COL28A1: variants seen among roughly 807,000 people sequenced by gnomAD.
COL28A1 encodes collagen alpha-1(XXVIII) chain.
Under a neutral mutation model 150.2 loss-of-function variants are expected in COL28A1, and 161 were observed. The ratio of observed to expected loss-of-function variants is 1.07; its 90% confidence interval spans 0.94 to 1.22. The LOEUF (loss-of-function observed/expected upper bound fraction) is 1.22. Ranked by LOEUF, COL28A1 falls within the 50% of genes most tolerant of loss-of-function variation. The pLI is 0.00. For missense variants in COL28A1, 1,617 were observed against 1,388.3 expected, an observed-to-expected ratio of 1.16 and a Z score of -2.62; for synonymous variants, 552 against 469.7, an observed-to-expected ratio of 1.18 and a Z score of -2.26.
At chr7:7,380,253 T>C (rs1781797529) in intron 30 of COL28A1, among the ~76,000 whole-genome samples, 1 of 152,188 alleles carries the variant, frequency 6.6e-6, no homozygotes, top group Non-Finnish European at 1.5e-5. Flanking sequence ...ATTTTGTGAT[T>C]GCTGCTCTTC....
the COL28A1 span, among the ~76,000 whole-genome samples, chr7:7,541,059 T>C: frequency 1.3e-5 from 2 of 152,208 alleles, no homozygotes; most frequent in Non-Finnish European, 2.9e-5. Flanking sequence ...AAATAACTCT[T>C]CTAAATTTCT....
intron 27 of COL28A1, among the ~76,000 whole-genome samples, chr7:7,400,975 G>GGTGTGTGTGTGTGTGTGTGTGTGT (rs60064708): frequency 3.4e-5 from 4 of 119,074 alleles, no homozygotes; most frequent in African/African-American, 1.0e-4. Flanking sequence ...TGGGTATTTG[G>GGTGTGTGTGTGTGTGTGTGTGTGT]GTGTGTGTGT....
chr7:7,506,116 C>T (rs1411738422), intron 10 of COL28A1, 49 bp from the exon 11 acceptor site: 1 of 920,824 alleles, frequency 1.1e-6, no homozygotes, highest in Non-Finnish European at 1.8e-6. Flanking sequence ...AAAAGGCCAG[C>T]AGGAATGAAT....
intron 7 of COL28A1, among the ~76,000 whole-genome samples, chr7:7,517,082 G>T (rs1392136811): frequency 6.6e-6 from 1 of 152,094 alleles, no homozygotes; most frequent in East Asian, 1.9e-4. Context: ...CCTAAGAAAT[G>T]TTTCCTGAAC....
At position 7,374,038 on chromosome 7, in the gene COL28A1, A is replaced by AAAAAATATATATAT; in HGVS notation, c.2360-493_2360-492insATATATATATTTTT. 8.3e-4 allele frequency among the ~76,000 whole-genome samples: 94 copies of AAAAAATATATATAT among 113,600 alleles called. 3 individuals are homozygous for AAAAAATATATATAT. Among genetic ancestry groups the AAAAAATATATATAT allele is most frequent in the African/African-American group, 3.4e-3 (90 of 26,388 alleles). The allele number at this position is 113,600 out of a possible 152,430, so 74.5% of individuals were successfully genotyped here. A position where few individuals can be genotyped will look rare whatever the true frequency, so the allele number is the denominator to read the frequency against. ...TACTTGACTCTTAAAAAAAAAAAAA[A>AAAAAATATATATAT]ATATATATATATATATATATATACT... On this transcript the variant is annotated intron_variant, in intron 31 of 34. Coordinates refer to ENST00000399429, the MANE Select transcript of COL28A1 (RefSeq NM_001037763.3).
chr7:7,351,456 C>G (rs993712068), downstream of COL28A1, among the ~76,000 whole-genome samples: 4 of 152,078 alleles, frequency 2.6e-5, no homozygotes, highest in African/African-American at 9.7e-5. Context: ...TCCTGAAACC[C>G]CAAGAATGCC....
At chr7:7,433,536 A>C (rs1785129579) in intron 23 of COL28A1, among the ~76,000 whole-genome samples, 1 of 151,422 alleles carries the variant, frequency 6.6e-6, no homozygotes, top group African/African-American at 2.4e-5. Context: ...CAGGAGGCTG[A>C]GGCAGGAGAA....
At chr7:7,411,834 G>A (rs138409717) in intron 27 of COL28A1, among the ~76,000 whole-genome samples, 4 of 152,194 alleles carry the variant, frequency 2.6e-5, no homozygotes, top group African/African-American at 7.2e-5. Flanking sequence ...AATAAATGAC[G>A]GGCTAAACCC....
chr7:7,422,847 G>A (rs1244774862), intron 25 of COL28A1, among the ~76,000 whole-genome samples: 2 of 152,254 alleles, frequency 1.3e-5, no homozygotes, highest in African/African-American at 2.4e-5. Context: ...GGAGAAACAC[G>A]TTACACAACA....
rs1414489894 is a variant in COL28A1, at chr7:7,443,669, C to T, written c.1582-16G>A. 3.7e-6 allele frequency: 6 copies of T among 1,613,770 alleles called. No individual in the cohort carries two copies. The highest frequency in any genetic ancestry group is 5.1e-6 in the Non-Finnish European group (6 of 1,179,916). On this transcript the variant is annotated splice_polypyrimidine_tract_variant and intron_variant, in intron 19 of 34. Transcript: ENST00000399429. ...CCGCTTCTCCCTAGAGAAAATGACA[C>T]TGATGTGTTAGCTGACCCTCCAGTA... is the stretch of plus-strand genomic sequence containing the variant.
At chr7:7,428,385 GCCCTTAGTGAAC>G (rs1784760641) in intron 25 of COL28A1, among the ~76,000 whole-genome samples, 1 of 152,180 alleles carries the variant, frequency 6.6e-6, no homozygotes, top group Non-Finnish European at 1.5e-5. Flanking sequence ...GGCTGTACCT[GCCCTTAGTGAAC>G]TCAGGAGAGC....
At chr7:7,389,854 A>G (rs918923406) in intron 27 of COL28A1, among the ~76,000 whole-genome samples, 2 of 152,238 alleles carry the variant, frequency 1.3e-5, no homozygotes, top group African/African-American at 4.8e-5. Context: ...TCGTATCCTG[A>G]GACTTTGCTG....
intron 30 of COL28A1, among the ~76,000 whole-genome samples, chr7:7,376,640 T>A (rs528925031): frequency 1.3e-5 from 2 of 152,202 alleles, no homozygotes; most frequent in South Asian, 4.1e-4. Flanking sequence ...GTAAAATGTA[T>A]GTATTTATAT....
At chr7:7,508,944 C>T (rs1780974903) in intron 9 of COL28A1, among the ~76,000 whole-genome samples, 1 of 152,200 alleles carries the variant, frequency 6.6e-6, no homozygotes, top group Non-Finnish European at 1.5e-5. Context: ...AGCAATTCTC[C>T]TGCTCCAGCC....
At chr7:7,449,774 T>C (rs1195660758) in intron 18 of COL28A1, among the ~76,000 whole-genome samples, 1 of 152,092 alleles carries the variant, frequency 6.6e-6, no homozygotes, top group Admixed American at 6.6e-5. Context: ...AAAAATTTCT[T>C]CAAGGTATCT....
chr7:7,431,430 C>G (rs1784964906), intron 25 of COL28A1: 1 of 434,038 alleles, frequency 2.3e-6, no homozygotes, highest in Non-Finnish European at 4.8e-6. Context: ...GGAAAACATA[C>G]AGAGGGGTTG....
chr7:7,381,164 C>G (rs1356335229), intron 28 of COL28A1, among the ~76,000 whole-genome samples: 2 of 152,106 alleles, frequency 1.3e-5, no homozygotes, highest in Non-Finnish European at 2.9e-5. Context: ...CCTGAGTTAT[C>G]TGGTATCTCC....
intron 3 of COL28A1, among the ~76,000 whole-genome samples, chr7:7,525,141 A>G (rs1341803857): frequency 6.6e-6 from 1 of 152,234 alleles, no homozygotes; most frequent in Non-Finnish European, 1.5e-5. Flanking sequence ...GTCTTAGTCA[A>G]TCAGACTCAA....
At chr7:7,424,981 T>C (rs951766581) in intron 25 of COL28A1, among the ~76,000 whole-genome samples, 14 of 152,142 alleles carry the variant, frequency 9.2e-5, no homozygotes, top group Admixed American at 9.2e-4. Context: ...AAGCTTTCCC[T>C]TTTTAAATGA....
Sources: allele counts gnomAD v4.1 joint callset (sites outside exome capture counted in the v4.1 genomes callset), GRCh38; gene constraint gnomAD v4.1.1; transcripts MANE v1.5; gene names NCBI Gene and HGNC (gene_info 2026-07-23, HGNC 2026-07-21).